Variants in XIRP2 observed in about 807,000 individuals in gnomAD.
XIRP2 encodes the protein xin actin-binding repeat-containing protein 2.
XIRP2 carries 236 observed loss-of-function variants against 277.0 expected under a neutral mutation model. The ratio of observed to expected loss-of-function variants is 0.85; its 90% CI spans 0.77 to 0.95. XIRP2 has a LOEUF of 0.95. Ranked by LOEUF, XIRP2 falls within the 40% of genes least tolerant of loss-of-function variation. The pLI, the probability that XIRP2 is intolerant of heterozygous loss-of-function variation, is 0.00. For missense variants in XIRP2, 4,640 were observed against 4,157.5 expected (o/e 1.12, Z -3.19); for synonymous variants, 1,490 against 1,416.5 (o/e 1.05, Z -1.17).
At chr2:167,084,878 C>T (rs1172645132) in intron 2 of XIRP2, among the ~76,000 whole-genome samples, 4 of 150,830 alleles carry the variant, frequency 2.7e-5, no homozygotes, top group Admixed American at 6.6e-5. Context: ...TTTGTTGATC[C>T]TTTCAAAAAA....
intron 2 of XIRP2, among the ~76,000 whole-genome samples, chr2:166,917,887 G>A (rs891852045): frequency 3.9e-5 from 6 of 152,042 alleles, no homozygotes; most frequent in Admixed American, 6.6e-5. Flanking sequence ...AACAAATACC[G>A]TAAGTGACTA....
chr2:166,999,188 A>G (rs996736877), intron 2 of XIRP2, among the ~76,000 whole-genome samples: 4 of 152,194 alleles, frequency 2.6e-5, no homozygotes, highest in African/African-American at 9.6e-5. Context: ...TTATATGCCA[A>G]GAAAGAGCAG....
chr2:166,912,437 G>T (rs370432663), intron 2 of XIRP2, among the ~76,000 whole-genome samples: 2 of 152,054 alleles, frequency 1.3e-5, no homozygotes, highest in African/African-American at 4.8e-5. Context: ...CATAGTTCTC[G>T]TGCCATGTTT....
At position 167,019,474 on chromosome 2, in the gene XIRP2, A is replaced by G. The variant is rs554712868; in HGVS notation, c.408+115584A>G. Among the ~76,000 whole-genome samples the G allele has an allele frequency of 2.6e-5, 4 of 152,176 alleles. No individual in the cohort carries two copies. The South Asian group carries it at 8.3e-4, about 32-fold the overall frequency. ...TATAGAAGGGCTTGACCTCTTTGCTACAAATCTAATCTCTGTGGCACTGTG... is the reference window on the plus strand; with the variant it reads ...TATAGAAGGGCTTGACCTCTTTGCTGCAAATCTAATCTCTGTGGCACTGTG... On this transcript the variant is annotated intron_variant, in intron 2 of 10. Transcript: ENST00000409195.
chr2:166,912,446 T>G (rs1684736049), intron 2 of XIRP2, among the ~76,000 whole-genome samples: 1 of 152,234 alleles, frequency 6.6e-6, no homozygotes. Context: ...CGTGCCATGT[T>G]TTTCAGCTCC....
chr2:167,030,365 C>A (rs574301983), intron 2 of XIRP2, among the ~76,000 whole-genome samples: 2 of 152,218 alleles, frequency 1.3e-5, no homozygotes, highest in South Asian at 2.1e-4. Flanking sequence ...CTATAAATTT[C>A]TCTCTAAACA....
chr2:167,243,016 G>T lies in XIRP2; in HGVS notation c.1624G>T (p.Ala542Ser). The change falls in exon 9 of 11, where the codon GCC becomes TCC. Residue 542 changes from alanine (A) to serine (S), a missense_variant. Ala to Ser is a moderately conservative substitution (Grantham distance 99). Coordinates refer to ENST00000409195, the MANE Select transcript of XIRP2 (RefSeq NM_152381.6). ...TTCAGTCTCAGCAGATGTGCAACAAGCCCGGTATGTTTTTGAAAACACAAA... is the reference window on the plus strand; with the variant it reads ...TTCAGTCTCAGCAGATGTGCAACAATCCCGGTATGTTTTTGAAAACACAAA... The part of the protein sequence containing the change: ...GSSVSADVQQ[A>S]RYVFENTNDS... 1 of 1,613,990 alleles carries T rather than the reference G, an allele frequency of 6.2e-7. No homozygotes were observed. The highest frequency in any genetic ancestry group is 8.5e-7 in the Non-Finnish European group (1 of 1,179,946).
At chr2:166,988,173 C>A (rs1687060322) in intron 2 of XIRP2, among the ~76,000 whole-genome samples, 1 of 152,210 alleles carries the variant, frequency 6.6e-6, no homozygotes, top group Non-Finnish European at 1.5e-5. Flanking sequence ...GCACCCCCTA[C>A]TCTAATGCAC....
chr2:167,226,798 C>T (rs1694616086), intron 5 of XIRP2, among the ~76,000 whole-genome samples: 1 of 152,100 alleles, frequency 6.6e-6, no homozygotes, highest in Non-Finnish European at 1.5e-5. Context: ...GGGCCTGAAA[C>T]AGGGCATCTT....
At position 167,244,585 on chromosome 2, in the gene XIRP2, G is replaced by C; in HGVS notation, c.3193G>C (p.Asp1065His). The change falls in exon 9 of 11, where the codon GAT (aspartate) becomes CAT (histidine). Residue 1065 changes from aspartate (D) to histidine (H), a missense_variant. Asp to His is a moderately conservative substitution (Grantham distance 81, BLOSUM62 -1). Transcript: ENST00000409195. ...AKWLFETQPL[D>H]SIKYFSDVEE... ...ATGGTTGTTTGAAACCCAACCTCTTGATTCAATTAAATATTTTAGTGATGT... is the reference window on the plus strand; with the variant it reads ...ATGGTTGTTTGAAACCCAACCTCTTCATTCAATTAAATATTTTAGTGATGT... The C allele has an allele frequency of 6.2e-7, 1 of 1,612,544 alleles. No homozygotes were observed. The highest frequency in any genetic ancestry group is 8.5e-7 in the Non-Finnish European group (1 of 1,179,380).
rs1355776824 is a variant in XIRP2 at position 166,939,690 on chromosome 2, A to C, written c.408+35800A>C. On this transcript the variant is annotated intron_variant, in intron 2 of 10. Coordinates refer to ENST00000409195, the MANE Select transcript of XIRP2 (RefSeq NM_152381.6). The stretch of plus-strand genomic sequence containing the variant: ...GCAAGACTCCATCACAAAAAAAAAA[A>C]AAAAAAAACAAAAAACAAAAACAAA... Among the ~76,000 whole-genome samples the C allele has an allele frequency of 8.0e-5, 12 of 150,712 alleles. 1 individual carries two copies. Among genetic ancestry groups the C allele is most frequent in the South Asian group, 2.1e-4 (1 of 4,756 alleles).
chr2:167,014,073 T>C (rs1406296738), intron 2 of XIRP2, among the ~76,000 whole-genome samples: 1 of 151,610 alleles, frequency 6.6e-6, no homozygotes, highest in African/African-American at 2.4e-5. Context: ...GGTAATTATA[T>C]GTTATTGCTA....
intron 5 of XIRP2, among the ~76,000 whole-genome samples, chr2:167,236,021 G>A (rs1264837722): frequency 6.6e-6 from 1 of 151,832 alleles, no homozygotes; most frequent in African/African-American, 2.4e-5. Flanking sequence ...TATTGTTTAT[G>A]TCTGTTTGAC....
intron 2 of XIRP2, among the ~76,000 whole-genome samples, chr2:167,055,698 G>T (rs1198723192): frequency 6.6e-6 from 1 of 152,102 alleles, no homozygotes. Flanking sequence ...CCTAGTATAT[G>T]AAAGAAATGT....
chr2:167,258,575 A>T lies in XIRP2; in HGVS notation c.*758A>T, dbSNP rs967437448. ...TGCTGAAAAGGAGAAAAATGAAAAAACTAACCAAACTAATGGTGCAGAAGT... is the reference window on the plus strand; with the variant it reads ...TGCTGAAAAGGAGAAAAATGAAAAATCTAACCAAACTAATGGTGCAGAAGT... On this transcript the variant is annotated 3_prime_UTR_variant, in exon 11 of 11. Transcript: ENST00000409195. 1.2e-6 allele frequency: 2 copies of T among 1,613,086 alleles called. No homozygotes were observed. Among genetic ancestry groups the T allele is most frequent in the Admixed American group, 1.7e-5 (1 of 59,842 alleles).
intron 2 of XIRP2, among the ~76,000 whole-genome samples, chr2:166,934,206 A>AC (rs1553471128): frequency 6.6e-6 from 1 of 150,744 alleles, no homozygotes; most frequent in Non-Finnish European, 1.5e-5. Flanking sequence ...AAAAAAAAAA[A>AC]AAAAAAAACA....
intron 2 of XIRP2, among the ~76,000 whole-genome samples, chr2:167,113,968 C>T (rs1463871987): frequency 3.3e-5 from 5 of 152,162 alleles, no homozygotes; most frequent in Non-Finnish European, 7.3e-5. Context: ...TATAGGCCCC[C>T]AAATTCATCT....
chr2:167,154,179 A>G lies in XIRP2; in HGVS notation c.562+18117A>G, dbSNP rs1692111371. The stretch of plus-strand genomic sequence containing the variant: ...GGCCAGTGATGGTGAGCATTTTTTC[A>G]TGTGTTTTTTGGCTGCATAAATGTC... On this transcript the variant is annotated intron_variant, in intron 3 of 10. Transcript: ENST00000409195. Among the ~76,000 whole-genome samples, 3 of 149,208 alleles carry G rather than the reference A, an allele frequency of 2.0e-5. 1 individual carries two copies. The South Asian group carries it at 6.6e-4, about 33-fold the overall frequency.
intron 2 of XIRP2, among the ~76,000 whole-genome samples, chr2:166,987,720 G>C (rs1308003524): frequency 1.3e-5 from 2 of 152,170 alleles, no homozygotes; most frequent in Non-Finnish European, 2.9e-5. Context: ...GTGCCAGATG[G>C]TTTGGAAGTG....
Sources: gnomAD v4.1 joint callset for allele counts (sites outside exome capture counted in the v4.1 genomes callset) on GRCh38, gnomAD v4.1.1 for gene constraint, MANE v1.5 for transcripts, NCBI Gene and HGNC (gene_info 2026-07-23, HGNC 2026-07-21) for gene names.